LHFPL6: variants seen among roughly 807,000 people sequenced by gnomAD.
LHFPL6 encodes LHFPL tetraspan subfamily member 6.
A neutral mutation model predicts 20.6 loss-of-function variants in LHFPL6; 9 were observed. That is an observed-to-expected ratio of 0.44 (90% CI 0.26 to 0.76). The LOEUF (loss-of-function observed/expected upper bound fraction) is 0.76, where lower values mean the gene tolerates loss of function less well. Ranked by LOEUF, LHFPL6 falls within the 30% of genes least tolerant of loss-of-function variation. The probability of loss-of-function intolerance (pLI) is 0.20; values close to 1 mark genes in which losing one functional copy is unlikely to be tolerated. For missense variants in LHFPL6, 218 were observed against 253.5 expected (o/e 0.86, Z 0.95); for synonymous variants, 105 against 98.7 (o/e 1.06, Z -0.38).
chr13:39,487,811 C>T (rs905315683), intron 2 of LHFPL6, among the ~76,000 whole-genome samples: 7 of 152,226 alleles, frequency 4.6e-5, no homozygotes, highest in South Asian at 2.1e-4. Flanking sequence ...TTTGGGAGGC[C>T]GAGATGGGTG....
chr13:39,476,732 G>A (rs937332657), intron 2 of LHFPL6, among the ~76,000 whole-genome samples: 5 of 152,004 alleles, frequency 3.3e-5, no homozygotes, highest in African/African-American at 1.2e-4. Flanking sequence ...ATTTACCAAG[G>A]GACACCAACA....
At chr13:39,507,707 T>C (rs1390539242) in intron 2 of LHFPL6, among the ~76,000 whole-genome samples, 1 of 152,158 alleles carries the variant, frequency 6.6e-6, no homozygotes, top group African/African-American at 2.4e-5. Context: ...GCAATCTGCA[T>C]ATAGAAAAAT....
intron 2 of LHFPL6, among the ~76,000 whole-genome samples, chr13:39,392,201 G>A (rs548178526): frequency 1.3e-5 from 2 of 151,864 alleles, no homozygotes; most frequent in South Asian, 4.2e-4. Context: ...AAAGGAAGAA[G>A]TATTTAAAAT....
chr13:39,591,759 T>C (rs1872597904), intron 2 of LHFPL6, among the ~76,000 whole-genome samples: 1 of 152,122 alleles, frequency 6.6e-6, no homozygotes, highest in African/African-American at 2.4e-5. Flanking sequence ...TTACATGGAA[T>C]AAGCTCTCTG....
chr13:39,562,927 A>G (rs1187684239), intron 2 of LHFPL6, among the ~76,000 whole-genome samples: 3 of 152,136 alleles, frequency 2.0e-5, no homozygotes, highest in African/African-American at 7.2e-5. Context: ...CACCAAGGGG[A>G]GAATAAATTC....
Position 39,562,695 on chromosome 13 carries a change from C to CACACAT in LHFPL6, c.385+38136_385+38137insATGTGT, listed in dbSNP as rs765672489. ...ACACATATATACACACACACACACA[C>CACACAT]ATATATATATATACACACACACACT... On this transcript the variant is annotated intron_variant, in intron 2 of 3. Coordinates refer to ENST00000379589, the MANE Select transcript of LHFPL6 (RefSeq NM_005780.3). 1.1e-3 allele frequency among the ~76,000 whole-genome samples: 168 copies of CACACAT among 146,440 alleles called. 2 individuals carry two copies. The highest frequency in any genetic ancestry group is 3.8e-3 in the African/African-American group (150 of 39,432).
intron 2 of LHFPL6, among the ~76,000 whole-genome samples, chr13:39,385,035 G>A (rs7989667): frequency 0.89 from 135,008 of 152,226 alleles, 60,041 homozygotes; most frequent in East Asian, 0.96. Flanking sequence ...CTATTTCTGC[G>A]ACCCCAAGGA....
intron 2 of LHFPL6, among the ~76,000 whole-genome samples, chr13:39,517,654 G>C (rs1869970719): frequency 6.6e-6 from 1 of 152,120 alleles, no homozygotes; most frequent in Admixed American, 6.5e-5. Context: ...CTGTTTGTCT[G>C]AGACAGTTTC....
At chr13:39,593,849 A>C (rs1390399398) in intron 2 of LHFPL6, among the ~76,000 whole-genome samples, 2 of 152,232 alleles carry the variant, frequency 1.3e-5, no homozygotes, top group African/African-American at 4.8e-5. Flanking sequence ...AAACCTGACA[A>C]AAATGAGAAA....
intron 2 of LHFPL6, among the ~76,000 whole-genome samples, chr13:39,391,431 T>C (rs1225094032): frequency 6.6e-6 from 1 of 152,196 alleles, no homozygotes; most frequent in African/African-American, 2.4e-5. Context: ...TAAGAAGGAA[T>C]AAAATCCATA....
chr13:39,363,941 C>T (rs1347651534), intron 3 of LHFPL6, among the ~76,000 whole-genome samples: 1 of 152,186 alleles, frequency 6.6e-6, no homozygotes, highest in East Asian at 1.9e-4. Flanking sequence ...TCTGCTAATG[C>T]ATTATTAGGT....
intron 2 of LHFPL6, among the ~76,000 whole-genome samples, chr13:39,379,113 C>T (rs942342890): frequency 1.3e-5 from 2 of 152,142 alleles, no homozygotes; most frequent in African/African-American, 4.8e-5. Context: ...GGAAGACAGA[C>T]ATTTATCATA....
intron 3 of LHFPL6, among the ~76,000 whole-genome samples, chr13:39,363,844 G>GA (rs1452538483): frequency 2.6e-5 from 4 of 151,916 alleles, no homozygotes; most frequent in Non-Finnish European, 4.4e-5. Context: ...AAAGTTATGG[G>GA]AAAAAAACAA....
At chr13:39,348,423 T>C (rs1468852809) in intron 3 of LHFPL6, among the ~76,000 whole-genome samples, 1 of 152,162 alleles carries the variant, frequency 6.6e-6, no homozygotes, top group Non-Finnish European at 1.5e-5. Flanking sequence ...CCGGGCTTTC[T>C]TCCCTCCGGG....
At chr13:39,520,220 G>C (rs1870062865) in intron 2 of LHFPL6, among the ~76,000 whole-genome samples, 1 of 152,040 alleles carries the variant, frequency 6.6e-6, no homozygotes, top group Non-Finnish European at 1.5e-5. Context: ...ACCACACCCA[G>C]CCTCTACACT....
chr13:39,553,378 G>A (rs1241402016), intron 2 of LHFPL6, among the ~76,000 whole-genome samples: 1 of 152,094 alleles, frequency 6.6e-6, no homozygotes, highest in East Asian at 1.9e-4. Flanking sequence ...AGAAAATGCA[G>A]TGGAAGTGAC....
chr13:39,349,372 A>G (rs2138335265), intron 3 of LHFPL6, among the ~76,000 whole-genome samples: 1 of 152,338 alleles, frequency 6.6e-6, no homozygotes, highest in South Asian at 2.1e-4. Flanking sequence ...AGGTGTGTCA[A>G]TAGAATTTAA....
At chr13:39,348,732 C>T (rs1869477835) in intron 3 of LHFPL6, among the ~76,000 whole-genome samples, 1 of 152,164 alleles carries the variant, frequency 6.6e-6, no homozygotes, top group Admixed American at 6.5e-5. Flanking sequence ...AGCCACCCCA[C>T]CCGCCTACCC....
At chr13:39,523,547 G>GAA (rs10588059) in intron 2 of LHFPL6, among the ~76,000 whole-genome samples, 1 of 129,996 alleles carries the variant, frequency 7.7e-6, no homozygotes. Flanking sequence ...GTCTCAAAAG[G>GAA]AAAAAAAAAA....
Sources: allele counts gnomAD v4.1 joint callset (sites outside exome capture counted in the v4.1 genomes callset), GRCh38; gene constraint gnomAD v4.1.1; transcripts MANE v1.5; gene names NCBI Gene and HGNC (gene_info 2026-07-23, HGNC 2026-07-21).